Variants in DOCK4 observed in about 807,000 individuals in gnomAD.
The protein encoded by DOCK4 is dedicator of cytokinesis 4.
A neutral mutation model predicts 268.1 loss-of-function variants in DOCK4; 97 were observed. The observed-to-expected ratio is 0.36, with a 90% CI of 0.31 to 0.43. The LOEUF (loss-of-function observed/expected upper bound fraction) is 0.43, where lower values mean the gene tolerates loss of function less well. DOCK4 is among the 20% of genes least tolerant of loss of function. The pLI, the probability that DOCK4 is intolerant of heterozygous loss-of-function variation, is 1.00. For missense variants in DOCK4, 2,145 were observed against 2,455.7 expected, an observed-to-expected ratio of 0.87 and a Z score of 2.67; for synonymous variants, 954 against 887.2, an observed-to-expected ratio of 1.08 and a Z score of -1.34.
At chr7:112,153,537 C>T (rs1034565393) in intron 1 of DOCK4, among the ~76,000 whole-genome samples, 4 of 152,136 alleles carry the variant, frequency 2.6e-5, no homozygotes, top group Middle Eastern at 3.2e-3. Context: ...AAATGATAGG[C>T]AATTCCCAGC....
intron 12 of DOCK4, among the ~76,000 whole-genome samples, chr7:111,933,311 T>TTTTTTATA (rs1794420548): frequency 7.0e-6 from 1 of 143,358 alleles, no homozygotes; most frequent in African/African-American, 2.5e-5. Flanking sequence ...TTTTTTTTTT[T>TTTTTTATA]TTGAGATGGA....
chr7:111,836,238 CCT>C (rs1228120088), intron 25 of DOCK4, among the ~76,000 whole-genome samples: 1 of 150,338 alleles, frequency 6.7e-6, no homozygotes, highest in African/African-American at 2.4e-5. Flanking sequence ...ACTGGAAAAA[CCT>C]CACAATTAAT....
At chr7:111,786,363 C>T (rs766392001) in intron 32 of DOCK4, among the ~76,000 whole-genome samples, 1 of 152,072 alleles carries the variant, frequency 6.6e-6, no homozygotes, top group Admixed American at 6.5e-5. Context: ...GCGGAATGAG[C>T]GAATCAGGTG....
rs534737557 is a variant in DOCK4 at position 111,851,226 on chromosome 7, C to T, written c.2474-4100G>A. Among the ~76,000 whole-genome samples the T allele has an allele frequency of 3.7e-4, 57 of 152,098 alleles. No individual in the cohort carries two copies. In the South Asian group the frequency reaches 5.2e-3, roughly 14 times the overall value. ...TTGGGAGGCTGAGACGGGTGGATCA[C>T]GAGGTCAGGAGATTGAGCCCATGCT... On this transcript the variant is annotated intron_variant, in intron 23 of 52. Coordinates refer to ENST00000428084, the MANE Select transcript of DOCK4 (RefSeq NM_001363540.2).
chr7:111,918,484 A>T (rs1792808511), intron 12 of DOCK4, among the ~76,000 whole-genome samples: 1 of 152,210 alleles, frequency 6.6e-6, no homozygotes, highest in South Asian at 2.1e-4. Flanking sequence ...GACAACTATC[A>T]TCAGTGAAGC....
At chr7:111,784,187 C>T in intron 32 of DOCK4, 64 bp from the exon 33 acceptor site, 1 of 1,474,976 alleles carries the variant, frequency 6.8e-7, no homozygotes, top group Non-Finnish European at 9.2e-7. Flanking sequence ...AAAATACAAA[C>T]ACATGCATAT....
At chr7:112,177,292 TTAGA>T (rs1438671965) in intron 1 of DOCK4, among the ~76,000 whole-genome samples, 1 of 152,150 alleles carries the variant, frequency 6.6e-6, no homozygotes, top group Non-Finnish European at 1.5e-5. Flanking sequence ...TTTCTAAATC[TTAGA>T]TAGCTCTTCC....
chr7:111,808,101 C>T (rs934465408), intron 30 of DOCK4: 1 of 152,084 alleles, frequency 6.6e-6, no homozygotes, highest in Non-Finnish European at 1.5e-5. Flanking sequence ...TTTAATAAAT[C>T]AAAGAGGAGC....
chr7:112,103,915 A>G (rs1348886952), intron 1 of DOCK4, among the ~76,000 whole-genome samples: 1 of 152,154 alleles, frequency 6.6e-6, no homozygotes, highest in Non-Finnish European at 1.5e-5. Flanking sequence ...TAAACTAATG[A>G]GTGTTCTTTA....
At chr7:112,027,116 A>G (rs1802866414) in intron 1 of DOCK4, among the ~76,000 whole-genome samples, 2 of 152,210 alleles carry the variant, frequency 1.3e-5, no homozygotes, top group African/African-American at 4.8e-5. Context: ...TACATTGGAG[A>G]AATCTGAGAC....
intron 2 of DOCK4, among the ~76,000 whole-genome samples, chr7:112,002,243 A>G (rs1342986591): frequency 6.6e-6 from 1 of 152,194 alleles, no homozygotes; most frequent in Non-Finnish European, 1.5e-5. Context: ...AGGGTTTATC[A>G]GTTGCCATAA....
intron 1 of DOCK4, among the ~76,000 whole-genome samples, chr7:112,125,959 C>T (rs1039690014): frequency 3.9e-5 from 6 of 152,144 alleles, no homozygotes; most frequent in Admixed American, 2.0e-4. Context: ...TAGGCATGCA[C>T]CACCATGCAT....
chr7:112,046,784 A>G (rs1484059218), intron 1 of DOCK4, among the ~76,000 whole-genome samples: 1 of 152,220 alleles, frequency 6.6e-6, no homozygotes, highest in Non-Finnish European at 1.5e-5. Flanking sequence ...TGATTGCCCC[A>G]GCTTACTCCC....
rs1418973792 is a variant in DOCK4, at chr7:111,769,571, C to T, written c.3786G>A (p.Glu1262=). 2.5e-6 allele frequency: 4 copies of T among 1,613,610 alleles called. No homozygotes were observed. Among genetic ancestry groups the T allele is most frequent in the Non-Finnish European group, 3.4e-6 (4 of 1,179,792 alleles). The part of the protein sequence containing the change: ...YPMQTEWQRK[E]HLHLTIIQNF... ...TCTGGATGATGGTGAGGTGCAGGTG[C>T]TCTTTGCGCTGCCATTCTGTTTGCA... The change falls in exon 37 of 53, where the codon GAG becomes GAA. Residue 1262 remains glutamate (E), a synonymous_variant. Transcript: ENST00000428084.
At chr7:111,794,857 T>C (rs771462574) in intron 30 of DOCK4, among the ~76,000 whole-genome samples, 152 of 152,162 alleles carry the variant, frequency 1.0e-3, no homozygotes, top group Admixed American at 9.8e-4. Context: ...GGCCTTTAGA[T>C]GTGGCAGAAG....
At chr7:112,191,019 T>A (rs974348919) in intron 1 of DOCK4, among the ~76,000 whole-genome samples, 1 of 152,160 alleles carries the variant, frequency 6.6e-6, no homozygotes. Context: ...TGAATGGGAA[T>A]CCTCCCTTTT....
chr7:111,771,208 C>A (rs146763114), intron 36 of DOCK4, among the ~76,000 whole-genome samples: 1 of 152,368 alleles, frequency 6.6e-6, no homozygotes, highest in East Asian at 1.9e-4. Context: ...TCTCTATCCA[C>A]ATTTTCTCAC....
At chr7:112,078,122 T>C (rs1808249057) in intron 1 of DOCK4, among the ~76,000 whole-genome samples, 1 of 152,160 alleles carries the variant, frequency 6.6e-6, no homozygotes, top group South Asian at 2.1e-4. Context: ...TATACATAAA[T>C]TCATCAAATT....
intron 4 of DOCK4, 28 bp from the exon 5 acceptor site, chr7:111,994,259 T>C (rs1264029506): frequency 2.8e-6 from 4 of 1,430,172 alleles, no homozygotes; most frequent in East Asian, 4.6e-5. Flanking sequence ...AAAAAGTATA[T>C]ATGTAAATAC....
Sources: gnomAD v4.1 joint callset for allele counts (sites outside exome capture counted in the v4.1 genomes callset) on GRCh38, gnomAD v4.1.1 for gene constraint, MANE v1.5 for transcripts, NCBI Gene and HGNC (gene_info 2026-07-23, HGNC 2026-07-21) for gene names.